EML6: variants seen among roughly 807,000 people sequenced by gnomAD.
EML6 encodes echinoderm microtubule-associated protein-like 6.
EML6 carries 154 observed loss-of-function variants against 240.1 expected under a neutral mutation model. The observed-to-expected ratio is 0.64, with a 90% CI of 0.56 to 0.73. EML6 has a LOEUF of 0.73. Among genes scored for constraint, EML6 ranks in the 30% least tolerant of loss-of-function variants. EML6 has a pLI of 0.00. For synonymous variants in EML6, 1,148 were observed against 899.0 expected, an observed-to-expected ratio of 1.28 and a Z score of -4.95; for missense variants, 2,964 against 2,474.6, an observed-to-expected ratio of 1.20 and a Z score of -4.20.
intron 2 of EML6, among the ~76,000 whole-genome samples, chr2:54,738,823 C>A (rs1323467621): frequency 6.6e-6 from 1 of 152,126 alleles, no homozygotes; most frequent in Non-Finnish European, 1.5e-5. Flanking sequence ...TTGCAGTTTC[C>A]TTTGGCTACT....
intron 28 of EML6, among the ~76,000 whole-genome samples, chr2:54,939,906 GC>G (rs1180453328): frequency 6.6e-6 from 1 of 152,198 alleles, no homozygotes; most frequent in Non-Finnish European, 1.5e-5. Flanking sequence ...CATCTCAGCG[GC>G]CCGGCACAAG....
chr2:54,963,420 C>T (rs978214556), intron 36 of EML6, among the ~76,000 whole-genome samples: 12 of 152,202 alleles, frequency 7.9e-5, no homozygotes, highest in Non-Finnish European at 1.5e-4. Flanking sequence ...TGATCAGTGC[C>T]TACAATAACC....
chr2:54,832,299 C>T (rs1424022401), intron 7 of EML6, among the ~76,000 whole-genome samples: 4 of 152,214 alleles, frequency 2.6e-5, no homozygotes, highest in Non-Finnish European at 5.9e-5. Flanking sequence ...CTAAGGTGCT[C>T]TGTTGCGCTC....
chr2:54,952,074 C>G (rs1676009941), intron 30 of EML6, among the ~76,000 whole-genome samples: 2 of 152,198 alleles, frequency 1.3e-5, no homozygotes, highest in South Asian at 4.1e-4. Context: ...AAGCCATCAC[C>G]TGTGCTGTCC....
intron 28 of EML6, among the ~76,000 whole-genome samples, chr2:54,944,678 C>T (rs559800940): frequency 2.7e-4 from 41 of 152,244 alleles, no homozygotes; most frequent in African/African-American, 8.0e-4. Flanking sequence ...TGATAGGCTT[C>T]AGTCAAGAGC....
At chr2:54,824,457 G>C (rs1245301514) in intron 5 of EML6, among the ~76,000 whole-genome samples, 1 of 151,934 alleles carries the variant, frequency 6.6e-6, no homozygotes, top group Non-Finnish European at 1.5e-5. Context: ...CAATTACCAG[G>C]ATTTCTCCAC....
rs1393936639 is a variant in EML6, at chr2:54,774,203, A to G, written c.198-39029A>G. Among the ~76,000 whole-genome samples, 1 of 152,294 alleles carries G rather than the reference A, an allele frequency of 6.6e-6. No individual in the cohort carries two copies. Among genetic ancestry groups the G allele is most frequent in the African/African-American group, 2.4e-5 (1 of 41,548 alleles). The stretch of plus-strand genomic sequence containing the variant: ...CTGTAAAAGAAGAGGAGTGATTATC[A>G]TAGGTTGAGTTTCCTAGGAAGCAGC... On this transcript the variant is annotated intron_variant, in intron 2 of 41. Transcript: ENST00000356458. The surrounding 1 kb of genome is among the most constrained non-coding windows in gnomAD (Gnocchi z 4.1).
At position 54,957,814 on chromosome 2, in the gene EML6, G is replaced by T. The variant is rs1450382211; in HGVS notation, c.4511G>T (p.Gly1504Val). ...GGTGCCAAGGTTGCCAGCCGAGGGG[G>T]TCACCTGGAGCGCATATTTGTGGTG... Reference protein sequence around the residue: ...QEGAKVASRGGHLERIFVVEF... With the variant: ...QEGAKVASRGVHLERIFVVEF... Residue 1504 changes from glycine to valine, a missense_variant, in exon 33 of 42, where the codon GGT becomes GTT. Physicochemically the swap from Gly to Val is moderately radical, Grantham distance 109. Coordinates refer to ENST00000356458, the MANE Select transcript of EML6 (RefSeq NM_001039753.4). The T allele has an allele frequency of 1.9e-6, 3 of 1,549,982 alleles. No homozygotes were observed. The highest frequency in any genetic ancestry group is 2.6e-6 in the Non-Finnish European group (3 of 1,146,998).
intron 21 of EML6, among the ~76,000 whole-genome samples, chr2:54,896,108 T>C (rs1672750335): frequency 6.6e-6 from 1 of 152,188 alleles, no homozygotes; most frequent in African/African-American, 2.4e-5. Context: ...CAGTTATTCA[T>C]GTCCCTACCA....
intron 17 of EML6, among the ~76,000 whole-genome samples, chr2:54,883,720 A>C (rs781087739): frequency 6.6e-6 from 1 of 152,208 alleles, no homozygotes; most frequent in Non-Finnish European, 1.5e-5. Flanking sequence ...ACACATACAC[A>C]CATGCACATG....
chr2:54,917,092 G>C (rs1467578815), intron 26 of EML6, among the ~76,000 whole-genome samples, 157 bp downstream of exon 26: 2 of 152,134 alleles, frequency 1.3e-5, no homozygotes, highest in Admixed American at 1.3e-4. Flanking sequence ...TTGTGTTTGA[G>C]TGACTAATTT....
In EML6 at chr2:54,849,990, G is replaced by A. The variant is rs1181839290; in HGVS notation, c.1216G>A (p.Asp406Asn). The A allele has an allele frequency of 6.4e-7, 1 of 1,551,304 alleles. No homozygotes were observed. The highest frequency in any genetic ancestry group is 8.7e-7 in the Non-Finnish European group (1 of 1,146,756). Residue 406 changes from aspartate to asparagine, a missense_variant, in exon 10 of 42, where the codon GAT (aspartate) becomes AAT (asparagine). Physicochemically the swap from Asp to Asn is conservative, Grantham distance 23. Transcript: ENST00000356458. ...RDMTEVVHIK[D>N]RKEVIHEMKF... ...TATGACAGAAGTAGTTCACATCAAA[G>A]ATCGAAAAGAAGTCATTCATGAAAT...
Position 54,830,566 on chromosome 2 carries a change from C to T in EML6, c.847+1089C>T, listed in dbSNP as rs536268255. On this transcript the variant is annotated intron_variant, in intron 7 of 41. Coordinates refer to ENST00000356458, the MANE Select transcript of EML6 (RefSeq NM_001039753.4). ...AAGCCCCCGCTGTGTGACCTGATGGCGATGCTGCCACAGAGGTTGTTCCAT... is the reference window on the plus strand; with the variant it reads ...AAGCCCCCGCTGTGTGACCTGATGGTGATGCTGCCACAGAGGTTGTTCCAT... Among the ~76,000 whole-genome samples, 28 of 152,302 alleles carry T rather than the reference C, an allele frequency of 1.8e-4. 1 individual carries two copies. The highest frequency in any genetic ancestry group is 6.2e-4 in the South Asian group (3 of 4,824).
At position 54,948,866 on chromosome 2, in the gene EML6, C is replaced by G. The variant is rs1558716861; in HGVS notation, c.4005-16C>G. ...TTGTTCAATGCTGTGCTTCCTCTGGCCGCTCTCTCTTCCAGACCACCCGTT... is the reference window on the plus strand; with the variant it reads ...TTGTTCAATGCTGTGCTTCCTCTGGGCGCTCTCTCTTCCAGACCACCCGTT... On this transcript the variant is annotated splice_polypyrimidine_tract_variant and intron_variant, in intron 28 of 41. Transcript: ENST00000356458. 2.6e-6 allele frequency: 4 copies of G among 1,548,032 alleles called. No individual in the cohort carries two copies. The South Asian group carries it at 4.8e-5, about 18-fold the overall frequency.
intron 2 of EML6, among the ~76,000 whole-genome samples, chr2:54,754,850 T>A (rs971925540): frequency 6.6e-6 from 1 of 152,238 alleles, no homozygotes; most frequent in Non-Finnish European, 1.5e-5. Context: ...ATGTTTGTAC[T>A]GTCCAGTGGT....
chr2:54,781,612 A>G (rs1668861101), intron 2 of EML6, among the ~76,000 whole-genome samples: 1 of 152,242 alleles, frequency 6.6e-6, no homozygotes, highest in African/African-American at 2.4e-5. Context: ...TAAAAAACAT[A>G]CAAGTGTTAT....
At chr2:54,817,717 A>G (rs941148562) in intron 4 of EML6, among the ~76,000 whole-genome samples, 1 of 152,164 alleles carries the variant, frequency 6.6e-6, no homozygotes, top group African/African-American at 2.4e-5. Context: ...ATTCACAGCC[A>G]TCCTGGGCTG....
intron 29 of EML6, 35 bp from the exon 30 acceptor site, chr2:54,950,615 C>G (rs1236330404): frequency 1.9e-6 from 3 of 1,549,566 alleles, no homozygotes; most frequent in Non-Finnish European, 2.6e-6. Context: ...CTTCCTTCCT[C>G]TGAGGGTCAC....
chr2:54,959,081 A>C, intron 33 of EML6, 23 bp from the exon 34 acceptor site: 1 of 1,543,036 alleles, frequency 6.5e-7, no homozygotes, highest in Non-Finnish European at 8.8e-7. Flanking sequence ...TTCCGGGTGT[A>C]GAAGATGTTG....
Sources: gnomAD v4.1 joint callset for allele counts (sites outside exome capture counted in the v4.1 genomes callset) on GRCh38, gnomAD v4.1.1 for gene constraint, Gnocchi (gnomAD v3.1) non-coding constraint, MANE v1.5 for transcripts, NCBI Gene and HGNC (gene_info 2026-07-23, HGNC 2026-07-21) for gene names.